Variants in ANKS1B observed in about 807,000 individuals in gnomAD.
ANKS1B encodes the protein ankyrin repeat and sterile alpha motif domain-containing protein 1B.
A neutral mutation model predicts 148.3 loss-of-function variants in ANKS1B; 36 were observed. The observed-to-expected ratio is 0.24, with a 90% CI of 0.19 to 0.32. The LOEUF (loss-of-function observed/expected upper bound fraction) is 0.32. Among genes scored for constraint, ANKS1B ranks in the 10% least tolerant of loss-of-function variants. The pLI is 1.00. For missense variants in ANKS1B, 1,157 were observed against 1,542.6 expected, an observed-to-expected ratio of 0.75 and a Z score of 4.19; for synonymous variants, 542 against 560.8, an observed-to-expected ratio of 0.97 and a Z score of 0.47.
At chr12:99,722,847 T>C (rs1300960091) in intron 8 of ANKS1B, among the ~76,000 whole-genome samples, 1 of 152,174 alleles carries the variant, frequency 6.6e-6, no homozygotes, top group Non-Finnish European at 1.5e-5. Context: ...TCATCAGAAC[T>C]GACTAGGCAG....
intron 17 of ANKS1B, among the ~76,000 whole-genome samples, chr12:98,883,964 T>C (rs2099725536): frequency 1.3e-5 from 2 of 152,206 alleles, no homozygotes; most frequent in Non-Finnish European, 2.9e-5. Context: ...AGATGCACCA[T>C]GTACATCTTC....
At chr12:99,334,900 C>T (rs903336842) in intron 12 of ANKS1B, among the ~76,000 whole-genome samples, 1 of 152,000 alleles carries the variant, frequency 6.6e-6, no homozygotes, top group African/African-American at 2.4e-5. Context: ...CCTTCTCTTA[C>T]AGCTACCTCA....
chr12:99,896,082 T>A (rs1382655616), intron 1 of ANKS1B, among the ~76,000 whole-genome samples: 1 of 151,316 alleles, frequency 6.6e-6, no homozygotes, highest in African/African-American at 2.4e-5. Context: ...TTACTCTTTG[T>A]ATGTGTGTGG....
intron 15 of ANKS1B, among the ~76,000 whole-genome samples, chr12:99,102,413 T>TTTCTTC (rs72119352): frequency 6.6e-6 from 1 of 151,100 alleles, no homozygotes; most frequent in African/African-American, 2.4e-5. Flanking sequence ...GTTGCTTTAT[T>TTTCTTC]TTCTTCTTCT....
At position 99,534,788 on chromosome 12, in the gene ANKS1B, C is replaced by G. The variant is rs187386462; in HGVS notation, c.1273-30147G>C. On this transcript the variant is annotated intron_variant, in intron 9 of 26. Coordinates refer to ENST00000683438, the MANE Select transcript of ANKS1B (RefSeq NM_001352186.2). Reference sequence around the variant, plus strand: ...GCAGTGGCATTATTTCGGCTCACTGCAAGCTCCACCTCCCGGGTTTACCCC... The same window carrying G: ...GCAGTGGCATTATTTCGGCTCACTGGAAGCTCCACCTCCCGGGTTTACCCC... 7.5e-4 allele frequency among the ~76,000 whole-genome samples: 112 copies of G among 148,404 alleles called. 3 individuals carry two copies. In the East Asian group the frequency reaches 0.021, roughly 27 times the overall value.
intron 12 of ANKS1B, among the ~76,000 whole-genome samples, chr12:99,322,636 G>A (rs1445341209): frequency 3.3e-5 from 5 of 152,122 alleles, no homozygotes; most frequent in African/African-American, 4.8e-5. Flanking sequence ...CATGCTATGA[G>A]AACCCTATGA....
rs75137147 is a variant in ANKS1B at position 99,299,277 on chromosome 12, T to C, written c.1757-52413A>G. On this transcript the variant is annotated intron_variant, in intron 12 of 26. Transcript: ENST00000683438. ...GGTCTCGCTATGTTGTCCAGGCTGG[T>C]CTTGAACTCCTGGCCTGAAGCAATT... Among the ~76,000 whole-genome samples, 519 of 152,226 alleles carry C rather than the reference T, an allele frequency of 3.4e-3. 34 individuals are homozygous for C. The East Asian group carries it at 0.084, about 25-fold the overall frequency.
At chr12:99,592,596 A>G (rs1264254175) in intron 9 of ANKS1B, among the ~76,000 whole-genome samples, 5 of 152,126 alleles carry the variant, frequency 3.3e-5, no homozygotes, top group Non-Finnish European at 2.9e-5. Context: ...ATGGAGAAGG[A>G]CTGAAGAGAA....
At chr12:98,927,000 T>G (rs544652613) in intron 17 of ANKS1B, among the ~76,000 whole-genome samples, 1 of 151,998 alleles carries the variant, frequency 6.6e-6, no homozygotes, top group Non-Finnish European at 1.5e-5. Flanking sequence ...AAACTATTAA[T>G]CCACACATGC....
At chr12:99,082,150 T>G (rs1313528124) in intron 16 of ANKS1B, among the ~76,000 whole-genome samples, 2 of 152,100 alleles carry the variant, frequency 1.3e-5, no homozygotes, top group Non-Finnish European at 2.9e-5. Flanking sequence ...GAAAAGAGAA[T>G]AAGACAGTCA....
At chr12:98,972,010 A>G (rs764343885) in intron 17 of ANKS1B, among the ~76,000 whole-genome samples, 13 of 152,154 alleles carry the variant, frequency 8.5e-5, no homozygotes, top group Non-Finnish European at 1.6e-4. Context: ...TCTACTAAAA[A>G]TACAAAAATT....
chr12:99,649,469 C>A, intron 9 of ANKS1B: 1 of 1,249,030 alleles, frequency 8.0e-7, no homozygotes, highest in Non-Finnish European at 1.2e-6. Flanking sequence ...ACCTATAGTG[C>A]CTGATGAAGG....
rs144175761 is a variant in ANKS1B at position 99,121,522 on chromosome 12, T to C, written c.2526+32767A>G. 6.9e-3 allele frequency among the ~76,000 whole-genome samples: 1,049 copies of C among 152,248 alleles called. 6 individuals are homozygous for C. The highest frequency in any genetic ancestry group is 9.7e-3 in the Non-Finnish European group (657 of 68,008). ...TCTGCATTAAAGGTCTTGCATTTCA[T>C]ACATACAGGTGAAAAAAGAGGAAGG... On this transcript the variant is annotated intron_variant, in intron 15 of 26. Coordinates refer to ENST00000683438, the MANE Select transcript of ANKS1B (RefSeq NM_001352186.2).
intron 16 of ANKS1B, among the ~76,000 whole-genome samples, chr12:99,069,047 A>G (rs2045456992): frequency 6.6e-6 from 1 of 152,210 alleles, no homozygotes; most frequent in South Asian, 2.1e-4. Context: ...AGTCTTCTCC[A>G]TGTTTCCATT....
chr12:99,824,228 G>A (rs1030781217), intron 2 of ANKS1B, among the ~76,000 whole-genome samples: 2 of 152,128 alleles, frequency 1.3e-5, no homozygotes, highest in Admixed American at 6.5e-5. Context: ...CTAAAGTGAG[G>A]GCCAGGCGTG....
intron 17 of ANKS1B, among the ~76,000 whole-genome samples, chr12:98,914,688 T>G (rs1431542044): frequency 6.6e-6 from 1 of 152,082 alleles, no homozygotes; most frequent in Non-Finnish European, 1.5e-5. Flanking sequence ...ATCGGGGTGT[T>G]TGCATTTGCT....
intron 8 of ANKS1B, among the ~76,000 whole-genome samples, chr12:99,719,196 T>G (rs2153551245): frequency 6.6e-6 from 1 of 152,276 alleles, no homozygotes; most frequent in Admixed American, 6.5e-5. Context: ...AATCACAAAC[T>G]ATGCTCAACT....
At chr12:99,640,258 G>C (rs900616803) in intron 9 of ANKS1B, among the ~76,000 whole-genome samples, 3 of 152,098 alleles carry the variant, frequency 2.0e-5, no homozygotes, top group Non-Finnish European at 2.9e-5. Context: ...ACTGTCTTCA[G>C]CTGTCCGTAC....
At chr12:99,709,725 G>C (rs1202036759) in intron 8 of ANKS1B, among the ~76,000 whole-genome samples, 2 of 152,092 alleles carry the variant, frequency 1.3e-5, no homozygotes, top group Non-Finnish European at 2.9e-5. Context: ...AAAAAGGAAT[G>C]AGACAAGGGG....
Sources: gnomAD v4.1 joint callset for allele counts (sites outside exome capture counted in the v4.1 genomes callset) on GRCh38, gnomAD v4.1.1 for gene constraint, MANE v1.5 for transcripts, NCBI Gene and HGNC (gene_info 2026-07-23, HGNC 2026-07-21) for gene names.